PDSS1: variants seen among roughly 807,000 people sequenced by gnomAD.
PDSS1 encodes decaprenyl diphosphate synthase subunit 1, also known as all trans-polyprenyl-diphosphate synthase PDSS1.
A neutral mutation model predicts 57.5 loss-of-function variants in PDSS1; 43 were observed. The ratio of observed to expected loss-of-function variants is 0.75; its 90% confidence interval spans 0.59 to 0.96. The LOEUF (loss-of-function observed/expected upper bound fraction) is 0.96, where lower values mean the gene tolerates loss of function less well. Ranked by LOEUF, PDSS1 falls within the 50% of genes least tolerant of loss-of-function variation. PDSS1 has a pLI of 0.00. For synonymous variants in PDSS1, 175 were observed against 191.3 expected (o/e 0.91, Z 0.70); for missense variants, 438 against 527.8 (o/e 0.83, Z 1.67).
chr10:26,704,497 A>C (rs939577632), intron 2 of PDSS1, among the ~76,000 whole-genome samples, 180 bp from the exon 3 acceptor site: 2 of 152,192 alleles, frequency 1.3e-5, no homozygotes, highest in African/African-American at 4.8e-5. Context: ...TGTTTTCTGC[A>C]ATGACAAGTA....
At chr10:26,725,315 G>A (rs1447583740) in intron 8 of PDSS1, among the ~76,000 whole-genome samples, 1 of 151,990 alleles carries the variant, frequency 6.6e-6, no homozygotes, top group East Asian at 1.9e-4. Flanking sequence ...GTCTCTTGCT[G>A]TTAGTGTCTC....
intron 10 of PDSS1, among the ~76,000 whole-genome samples, chr10:26,739,201 G>A (rs530924599): frequency 7.9e-5 from 12 of 152,248 alleles, no homozygotes; most frequent in East Asian, 5.8e-4. Context: ...ACCCAGTTTC[G>A]TTTGGGTAGA....
rs11015247 is a variant in PDSS1, at chr10:26,719,584, A to G, written c.468-634A>G. 6.4e-3 allele frequency among the ~76,000 whole-genome samples: 982 copies of G among 152,290 alleles called. 37 individuals carry two copies. In the East Asian group the frequency reaches 0.12, roughly 18 times the overall value. ...GGAGTTCGAGACCAACCTAGCCAAC[A>G]TGGTGAAACCCCATCTCTACTAAAA... On this transcript the variant is annotated intron_variant, in intron 5 of 11. Coordinates refer to ENST00000376215, the MANE Select transcript of PDSS1 (RefSeq NM_014317.5).
intron 5 of PDSS1, among the ~76,000 whole-genome samples, chr10:26,717,147 G>A (rs1835610154): frequency 1.3e-5 from 2 of 152,214 alleles, no homozygotes; most frequent in African/African-American, 4.8e-5. Context: ...CGTAGAAGCT[G>A]TGTTACAGTA....
chr10:26,739,194 C>T (rs1033603059), intron 10 of PDSS1, among the ~76,000 whole-genome samples: 1 of 152,172 alleles, frequency 6.6e-6, no homozygotes, highest in Non-Finnish European at 1.5e-5. Flanking sequence ...TAGTGTTACC[C>T]AGTTTCGTTT....
rs1195632285 is a variant in PDSS1, at chr10:26,724,063, A to C, written c.771A>C (p.Ala257=). ...GSKENENERF[A]HYLEKTFKKT... is the part of the protein sequence containing the mutation. ...AAGAAAATGAGAATGAAAGATTTGC[A>C]CACTACCTTGAGAAGACATTCAAGA... The change falls in exon 8 of 12, where the codon GCA becomes GCC. Residue 257 remains alanine, a synonymous_variant. Coordinates refer to ENST00000376215, the MANE Select transcript of PDSS1 (RefSeq NM_014317.5). 5.0e-6 allele frequency: 8 copies of C among 1,614,122 alleles called. No homozygotes were observed. Among genetic ancestry groups the C allele is most frequent in the Admixed American group, 3.3e-5 (2 of 60,016 alleles).
intron 4 of PDSS1, among the ~76,000 whole-genome samples, chr10:26,709,019 C>T (rs928690007): frequency 1.6e-4 from 25 of 152,034 alleles, no homozygotes; most frequent in African/African-American, 6.0e-4. Context: ...CCCAGAGTCC[C>T]TTAGCCACCT....
At position 26,710,718 on chromosome 10, in the gene PDSS1, C is replaced by G. The variant is rs2489555; in HGVS notation, c.467+950C>G. On this transcript the variant is annotated intron_variant, in intron 5 of 11. Coordinates refer to ENST00000376215, the MANE Select transcript of PDSS1 (RefSeq NM_014317.5). ...TGAGCTCTGTTGCAAGTTAGGTTCTCCAGGAGGCAGACTCTGAGATGAAGT... is the reference window on the plus strand; with the variant it reads ...TGAGCTCTGTTGCAAGTTAGGTTCTGCAGGAGGCAGACTCTGAGATGAAGT... 1.7e-4 allele frequency among the ~76,000 whole-genome samples: 17 copies of G among 97,692 alleles called. 5 individuals are homozygous for G. The highest frequency in any genetic ancestry group is 2.6e-4 in the Non-Finnish European group (11 of 42,206). The allele number at this position is 97,692 out of a possible 152,430, so 64.1% of individuals were successfully genotyped here.
chr10:26,716,354 A>G (rs2489553), intron 5 of PDSS1, among the ~76,000 whole-genome samples: 69,283 of 152,148 alleles, frequency 0.46, 16,513 homozygotes, highest in Admixed American at 0.55. Context: ...TAGGGTCATT[A>G]TATTATTCTA....
At chr10:26,725,389 T>A (rs987416076) in intron 8 of PDSS1, among the ~76,000 whole-genome samples, 10 of 152,224 alleles carry the variant, frequency 6.6e-5, no homozygotes, top group Admixed American at 1.3e-4. Flanking sequence ...CAATCTTTTC[T>A]TCCTAAAAAG....
At chr10:26,723,943 T>C (rs756166300) in intron 7 of PDSS1, 26 bp downstream of exon 7, 1 of 1,591,250 alleles carries the variant, frequency 6.3e-7, no homozygotes. Flanking sequence ...TTTTTCTTCT[T>C]TGTTATTCAA....
At position 26,704,866 on chromosome 10, in the gene PDSS1, GCCTCAAGCTAT is replaced by G. The variant is rs1835159666; in HGVS notation, c.227+130_227+140del. 4.5e-6 allele frequency: 3 copies of G among 666,740 alleles called. No homozygotes were observed. The African/African-American group carries it at 5.4e-5, about 12-fold the overall frequency. 41.3% of individuals were successfully genotyped at this position (666,740 alleles called of 1,614,324 possible). A position where few individuals can be genotyped will look rare whatever the true frequency, so the allele number is the denominator to read the frequency against. ...TGCCCAGGCTGGTCTTGAACTGCTG[GCCTCAAGCTAT>G]CCTCCCACCCTCAGGTTCCCAAAGT... is the stretch of plus-strand genomic sequence containing the variant. On this transcript the variant is annotated intron_variant, in intron 3 of 11. Coordinates refer to ENST00000376215, the MANE Select transcript of PDSS1 (RefSeq NM_014317.5).
At chr10:26,743,363 G>A (rs1554799121) in intron 11 of PDSS1, among the ~76,000 whole-genome samples, 1 of 152,186 alleles carries the variant, frequency 6.6e-6, no homozygotes, top group Non-Finnish European at 1.5e-5. Context: ...CATGAGATCT[G>A]TACTTAGTGT....
At position 26,711,442 on chromosome 10, in the gene PDSS1, C is replaced by T. The variant is rs1457652454; in HGVS notation, c.467+1674C>T. 2.0e-5 allele frequency among the ~76,000 whole-genome samples: 2 copies of T among 99,432 alleles called. 1 individual carries two copies. Among genetic ancestry groups the T allele is most frequent in the African/African-American group, 6.5e-5 (2 of 30,638 alleles). The allele number at this position is 99,432 out of a possible 152,430, so 65.2% of individuals were successfully genotyped here. ...GCCTTGTCCAGTACATATTGCCATG[C>T]CCAGGTCTGGCTGCCACTTTAGCTG... is the stretch of plus-strand genomic sequence containing the variant. On this transcript the variant is annotated intron_variant, in intron 5 of 11. Coordinates refer to ENST00000376215, the MANE Select transcript of PDSS1 (RefSeq NM_014317.5).
At chr10:26,744,676 C>T (rs918157324) in intron 11 of PDSS1, among the ~76,000 whole-genome samples, 11 of 152,174 alleles carry the variant, frequency 7.2e-5, no homozygotes, top group Non-Finnish European at 1.3e-4. Context: ...CGTGAGCCAC[C>T]GCGCTCAGTC....
intron 10 of PDSS1, among the ~76,000 whole-genome samples, chr10:26,736,474 C>T (rs368111554): frequency 1.3e-5 from 2 of 152,174 alleles, no homozygotes; most frequent in African/African-American, 4.8e-5. Context: ...TCTATTCTGT[C>T]TTCACGTTTA....
At chr10:26,709,833 T>C in intron 5 of PDSS1, 65 bp downstream of exon 5, 1 of 1,526,512 alleles carries the variant, frequency 6.6e-7, no homozygotes, top group Non-Finnish European at 9.1e-7. Context: ...CCGGGGTTAC[T>C]TACTGTTTCA....
intron 3 of PDSS1, 135 bp from the exon 4 acceptor site, chr10:26,705,151 A>G (rs2132218465): frequency 1.5e-6 from 1 of 679,664 alleles, no homozygotes; most frequent in Non-Finnish European, 2.7e-6. Flanking sequence ...TTTCCAAATT[A>G]TAATGACCTT....
intron 8 of PDSS1, chr10:26,734,501 G>A: frequency 2.8e-6 from 1 of 360,110 alleles, no homozygotes. Context: ...GCCGGTGCCA[G>A]CTAGCTTTTT....
Sources: gnomAD v4.1 joint callset for allele counts (sites outside exome capture counted in the v4.1 genomes callset) on GRCh38, gnomAD v4.1.1 for gene constraint, MANE v1.5 for transcripts, NCBI Gene and HGNC (gene_info 2026-07-23, HGNC 2026-07-21) for gene names.